The following VPS13B variants were observed in gnomAD, a reference collection of about 807,000 sequenced individuals.
VPS13B encodes intermembrane lipid transfer protein VPS13B.
VPS13B carries 285 observed loss-of-function variants against 426.4 expected under a neutral mutation model. That is an observed-to-expected ratio of 0.67 (90% confidence interval 0.61 to 0.74). The LOEUF is 0.74. VPS13B is among the 30% of genes least tolerant of loss of function. The pLI, the probability that VPS13B is intolerant of heterozygous loss-of-function variation, is 0.00. For synonymous variants in VPS13B, 1,676 were observed against 1,676.4 expected, an observed-to-expected ratio of 1.00 and a Z score of 0.01; for missense variants, 4,537 against 4,782.6, an observed-to-expected ratio of 0.95 and a Z score of 1.51.
intron 31 of VPS13B, among the ~76,000 whole-genome samples, chr8:99,564,728 T>G (rs1825101975): frequency 6.6e-6 from 1 of 152,234 alleles, no homozygotes; most frequent in African/African-American, 2.4e-5. Context: ...GAATTATTCT[T>G]AGGAAGTTGT....
At chr8:99,755,879 T>C (rs1428908993) in intron 39 of VPS13B, among the ~76,000 whole-genome samples, 1 of 151,880 alleles carries the variant, frequency 6.6e-6, no homozygotes. Flanking sequence ...AATAATGTTA[T>C]TTATTAATAT....
chr8:99,497,539 T>A (rs781150075), intron 25 of VPS13B, among the ~76,000 whole-genome samples: 4 of 151,868 alleles, frequency 2.6e-5, no homozygotes, highest in Non-Finnish European at 5.9e-5. Flanking sequence ...AATTGCTTTA[T>A]TATCAGCGTT....
chr8:99,045,951 T>G (rs1346085769), intron 3 of VPS13B, among the ~76,000 whole-genome samples: 1 of 152,222 alleles, frequency 6.6e-6, no homozygotes, highest in Non-Finnish European at 1.5e-5. Context: ...GACTATGGCC[T>G]TATCATATTG....
intron 35 of VPS13B, among the ~76,000 whole-genome samples, chr8:99,665,148 C>T (rs1338443274): frequency 6.6e-6 from 1 of 152,088 alleles, no homozygotes; most frequent in Non-Finnish European, 1.5e-5. Flanking sequence ...ATCCTTCGCC[C>T]ACTGTTTGAT....
At chr8:99,368,888 T>G (rs1813027261) in intron 19 of VPS13B, among the ~76,000 whole-genome samples, 1 of 152,232 alleles carries the variant, frequency 6.6e-6, no homozygotes, top group Non-Finnish European at 1.5e-5. Context: ...CTATGTATTT[T>G]TGCTCCATCC....
chr8:99,543,181 T>A (rs1042675011), intron 30 of VPS13B, among the ~76,000 whole-genome samples: 2 of 152,158 alleles, frequency 1.3e-5, no homozygotes, highest in Non-Finnish European at 2.9e-5. Context: ...ATCTGATCTT[T>A]GACAAACCTG....
chr8:99,376,634 A>C (rs537730201), intron 19 of VPS13B, among the ~76,000 whole-genome samples: 2 of 152,174 alleles, frequency 1.3e-5, no homozygotes, highest in African/African-American at 4.8e-5. Flanking sequence ...TACCAATCAC[A>C]TGTTGAGAAT....
intron 30 of VPS13B, among the ~76,000 whole-genome samples, chr8:99,533,434 T>C (rs1319899087): frequency 2.0e-5 from 3 of 152,226 alleles, no homozygotes; most frequent in Non-Finnish European, 2.9e-5. Context: ...TCTCTTGTTA[T>C]GTATATACTC....
At chr8:99,694,883 C>A (rs901276413) in intron 35 of VPS13B, among the ~76,000 whole-genome samples, 4 of 151,978 alleles carry the variant, frequency 2.6e-5, no homozygotes, top group African/African-American at 9.7e-5. Context: ...AAAAAGTGGG[C>A]AAAGGACATG....
At chr8:99,769,551 G>T (rs907264065) in intron 40 of VPS13B, among the ~76,000 whole-genome samples, 44 of 152,186 alleles carry the variant, frequency 2.9e-4, no homozygotes, top group African/African-American at 2.6e-4. Context: ...TGGAAGAAAG[G>T]TCACAAAAAT....
intron 18 of VPS13B, 68 bp downstream of exon 18, chr8:99,274,400 G>C (rs775452868): frequency 2.5e-6 from 4 of 1,609,208 alleles, no homozygotes; most frequent in Non-Finnish European, 3.4e-6. Flanking sequence ...GTTTTACAAG[G>C]AGCGTTACTG....
intron 33 of VPS13B, among the ~76,000 whole-genome samples, chr8:99,585,448 A>G (rs1563810182): frequency 6.6e-6 from 1 of 152,224 alleles, no homozygotes. Context: ...ACAAAATGCT[A>G]GCAAACTGAA....
chr8:99,426,182 G>C (rs898070569), intron 21 of VPS13B, among the ~76,000 whole-genome samples: 1 of 147,294 alleles, frequency 6.8e-6, no homozygotes, highest in Non-Finnish European at 1.5e-5. Context: ...TTGTTCTTGC[G>C]ATAGTTTACT....
chr8:99,428,959 GATGAGTTC>G (rs1469833035), intron 21 of VPS13B, among the ~76,000 whole-genome samples: 1 of 152,118 alleles, frequency 6.6e-6, no homozygotes, highest in Non-Finnish European at 1.5e-5. Flanking sequence ...CATAAAAAAT[GATGAGTTC>G]ATGTCCTTTG....
chr8:99,094,485 ATGTT>A (rs1338850594), intron 3 of VPS13B, among the ~76,000 whole-genome samples: 2 of 152,168 alleles, frequency 1.3e-5, no homozygotes, highest in Admixed American at 6.5e-5. Context: ...GAAACCTGTG[ATGTT>A]TGTTTTTCAT....
Position 99,869,216 on chromosome 8 carries a change from AG to A in VPS13B, c.11392+753del, listed in dbSNP as rs562900954. On this transcript the variant is annotated intron_variant, in intron 59 of 61. Coordinates refer to ENST00000357162, the MANE Select transcript of VPS13B (RefSeq NM_152564.5). ...GGTGTCATCATTTTGGTAATGAAGCAGGTTGTCTAGCTAGTATCACAAACGA... is the reference window on the plus strand; with the variant it reads ...GGTGTCATCATTTTGGTAATGAAGCAGTTGTCTAGCTAGTATCACAAACGA... Among the ~76,000 whole-genome samples the A allele has an allele frequency of 2.3e-4, 35 of 152,318 alleles. No individual in the cohort carries two copies. The East Asian group carries it at 6.8e-3, about 29-fold the overall frequency.
In VPS13B at chr8:99,377,214, A is replaced by G. The variant is rs574370567; in HGVS notation, c.2825-6994A>G. 1.1e-4 allele frequency among the ~76,000 whole-genome samples: 17 copies of G among 152,220 alleles called. 1 individual carries two copies. The highest frequency in any genetic ancestry group is 1.0e-3 in the Admixed American group (16 of 15,298). Reference sequence around the variant, plus strand: ...GGGCCTCCTAGATTTAAGGTTTACTATCTTTCAACATTTCTGTAAAATACT... The same window carrying G: ...GGGCCTCCTAGATTTAAGGTTTACTGTCTTTCAACATTTCTGTAAAATACT... On this transcript the variant is annotated intron_variant, in intron 19 of 61. Transcript: ENST00000357162.
chr8:99,505,421 G>A (rs1451721805), intron 27 of VPS13B, among the ~76,000 whole-genome samples: 1 of 152,066 alleles, frequency 6.6e-6, no homozygotes, highest in Non-Finnish European at 1.5e-5. Flanking sequence ...AACACTTAGG[G>A]GCCATTGTAG....
intron 3 of VPS13B, among the ~76,000 whole-genome samples, chr8:99,055,484 G>A (rs971490080): frequency 2.8e-4 from 43 of 152,118 alleles, no homozygotes; most frequent in Middle Eastern, 3.2e-3. Flanking sequence ...GGTAGTATTA[G>A]CATCTTAACG....
Sources: allele counts gnomAD v4.1 joint callset (sites outside exome capture counted in the v4.1 genomes callset), GRCh38; gene constraint gnomAD v4.1.1; transcripts MANE v1.5; gene names NCBI Gene and HGNC (gene_info 2026-07-23, HGNC 2026-07-21).